Variants in TIMM23 observed in about 807,000 individuals in gnomAD.
TIMM23 encodes mitochondrial import inner membrane translocase subunit Tim23.
In TIMM23, 19 loss-of-function variants were observed where a neutral mutation model predicts 30.7. The observed-to-expected ratio is 0.62, with a 90% CI of 0.43 to 0.91. TIMM23 has a LOEUF of 0.91. TIMM23 is among the 40% of genes least tolerant of loss of function. TIMM23 has a pLI of 0.00. For synonymous variants in TIMM23, 78 were observed against 98.5 expected (o/e 0.79, Z 1.23); for missense variants, 202 against 269.2 (o/e 0.75, Z 1.75).
At chr10:45,985,344 G>A in intron 4 of TIMM23, 39 bp from the exon 5 acceptor site, 1 of 1,611,852 alleles carries the variant, frequency 6.2e-7, no homozygotes, top group Non-Finnish European at 8.5e-7. Flanking sequence ...GAGAAATAAT[G>A]ATTCTAAATA....
chr10:45,973,975 A>G (rs1476998089), intron 1 of TIMM23, among the ~76,000 whole-genome samples: 1 of 152,078 alleles, frequency 6.6e-6, no homozygotes, highest in Non-Finnish European at 1.5e-5. Flanking sequence ...GTTTCATATT[A>G]ATCTTAGTAT....
chr10:45,989,348 T>C (rs1232269920), intron 6 of TIMM23, among the ~76,000 whole-genome samples: 7 of 152,300 alleles, frequency 4.6e-5, no homozygotes, highest in African/African-American at 1.7e-4. Flanking sequence ...ATTCTGTGTA[T>C]GTATACCACA....
chr10:45,994,927 AT>A (rs1428712440), intron 6 of TIMM23, among the ~76,000 whole-genome samples: 1 of 152,032 alleles, frequency 6.6e-6, no homozygotes, highest in African/African-American at 2.4e-5. Context: ...ACCACACAAA[AT>A]TTATGTCTGT....
Position 46,003,384 on chromosome 10 carries a change from T to G in TIMM23, c.*66T>G, listed in dbSNP as rs2132292849. 2 of 1,137,114 alleles carry G rather than the reference T, an allele frequency of 1.8e-6. No homozygotes were observed. The highest frequency in any genetic ancestry group is 2.4e-5 in the East Asian group (1 of 41,026). 70.4% of individuals were successfully genotyped at this position (1,137,114 alleles called of 1,614,324 possible). On this transcript the variant is annotated 3_prime_UTR_variant, in exon 7 of 7. Transcript: ENST00000580018. ...ATCTAGATCCTTTTATAAGACAGTT[T>G]GGAGTTATTCTCTCTCTTCTACCTA...
chr10:45,998,556 C>A (rs1423003692), intron 6 of TIMM23, among the ~76,000 whole-genome samples: 1 of 152,158 alleles, frequency 6.6e-6, no homozygotes, highest in Non-Finnish European at 1.5e-5. Context: ...CTTAAACTTG[C>A]AAACACATCA....
At chr10:45,996,462 G>T (rs1157813585) in intron 6 of TIMM23, among the ~76,000 whole-genome samples, 3 of 150,422 alleles carry the variant, frequency 2.0e-5, no homozygotes, top group East Asian at 1.9e-4. Flanking sequence ...TAAAATTGGG[G>T]TATGATGATT....
chr10:45,978,546 A>G lies in TIMM23; in HGVS notation c.165+3034A>G, dbSNP rs1590111980. Among the ~76,000 whole-genome samples the G allele has an allele frequency of 9.8e-5, 15 of 152,330 alleles. No individual in the cohort carries two copies. In the South Asian group the frequency reaches 3.1e-3, roughly 32 times the overall value. The stretch of plus-strand genomic sequence containing the variant: ...TATACAGATGTCTAATAATGACATG[A>G]AAGCTGGTCAGTAACATTAATTAGA... On this transcript the variant is annotated intron_variant, in intron 2 of 6. Coordinates refer to ENST00000580018, the MANE Select transcript of TIMM23 (RefSeq NM_006327.4).
rs1301609603 is a variant in TIMM23, at chr10:46,003,601, C to T, written c.*283C>T. 1 of 270,226 alleles carries T rather than the reference C, an allele frequency of 3.7e-6. No homozygotes were observed. The highest frequency in any genetic ancestry group is 7.1e-6 in the Non-Finnish European group (1 of 139,974). The allele number at this position is 270,226 out of a possible 1,614,324, so 16.7% of individuals were successfully genotyped here. A position where few individuals can be genotyped will look rare whatever the true frequency, so the allele number is the denominator to read the frequency against. On this transcript the variant is annotated 3_prime_UTR_variant, in exon 7 of 7. Transcript: ENST00000580018. ...TTTTCCTCCCCCATGAACTAGAAAA[C>T]CACTTACTCCCAGAATTCAGGTCGT...
intron 6 of TIMM23, among the ~76,000 whole-genome samples, chr10:45,993,189 C>T (rs1838218024): frequency 6.8e-6 from 1 of 147,712 alleles, no homozygotes; most frequent in Admixed American, 6.9e-5. Flanking sequence ...ATGACTACTG[C>T]CAAATGACCC....
intron 2 of TIMM23, among the ~76,000 whole-genome samples, chr10:45,978,010 C>T (rs1274518928): frequency 6.6e-6 from 1 of 150,816 alleles, no homozygotes; most frequent in Non-Finnish European, 1.5e-5. Context: ...TCAGCCTGGG[C>T]AACAGAGTAA....
At position 45,972,540 on chromosome 10, in the gene TIMM23, T is replaced by G. The variant is rs1837520039; in HGVS notation, c.-85T>G. The G allele has an allele frequency of 1.3e-6, 2 of 1,512,950 alleles. No individual in the cohort carries two copies. Among genetic ancestry groups the G allele is most frequent in the South Asian group, 1.2e-5 (1 of 80,564 alleles). The allele number at this position is 1,512,950 out of a possible 1,614,324, so 93.7% of individuals were successfully genotyped here. A position where few individuals can be genotyped will look rare whatever the true frequency, so the allele number is the denominator to read the frequency against. On this transcript the variant is annotated 5_prime_UTR_variant, in exon 1 of 7. Transcript: ENST00000580018. ...GAAGTAGGCGCTGGCAACGCGGGGT[T>G]ACCCGCTGTTATTGAGGAGTAACGG...
intron 6 of TIMM23, among the ~76,000 whole-genome samples, chr10:45,990,482 C>T (rs1405998753): frequency 2.0e-5 from 3 of 151,248 alleles, no homozygotes; most frequent in South Asian, 4.2e-4. Context: ...AGTGCAGTGG[C>T]ACAATCAAGG....
chr10:45,973,624 A>G (rs1322279524), intron 1 of TIMM23, among the ~76,000 whole-genome samples: 2 of 152,134 alleles, frequency 1.3e-5, no homozygotes, highest in African/African-American at 4.8e-5. Context: ...TCTACAACAC[A>G]TGGTGTTTTG....
Position 45,985,575 on chromosome 10 carries a change from A to G in TIMM23, c.403+134A>G, listed in dbSNP as rs1439382172. The G allele has an allele frequency of 5.7e-5, 62 of 1,095,152 alleles. No individual in the cohort carries two copies. In the Admixed American group the frequency reaches 1.1e-3, roughly 19 times the overall value. The allele number at this position is 1,095,152 out of a possible 1,614,324, so 67.8% of individuals were successfully genotyped here. Reference sequence around the variant, plus strand: ...TTAAACCCATTCCAATGCATAATGTAGATACTACTTAGGGAAAGACCATGA... The same window carrying G: ...TTAAACCCATTCCAATGCATAATGTGGATACTACTTAGGGAAAGACCATGA... On this transcript the variant is annotated intron_variant, in intron 5 of 6. Transcript: ENST00000580018.
At chr10:46,002,643 C>T (rs565279221) in intron 6 of TIMM23, among the ~76,000 whole-genome samples, 1 of 151,618 alleles carries the variant, frequency 6.6e-6, no homozygotes, top group Non-Finnish European at 1.5e-5. Context: ...GTTGGAACTC[C>T]GTAATAAACT....
intron 6 of TIMM23, among the ~76,000 whole-genome samples, chr10:45,997,261 T>C (rs1327814903): frequency 5.9e-5 from 9 of 152,012 alleles, no homozygotes; most frequent in African/African-American, 1.9e-4. Flanking sequence ...TATTCTGCCT[T>C]TAAAAAGGAA....
intron 1 of TIMM23, among the ~76,000 whole-genome samples, chr10:45,973,416 A>G (rs1837560620): frequency 6.6e-6 from 1 of 152,192 alleles, no homozygotes; most frequent in Admixed American, 6.5e-5. Context: ...CTAGATAAAT[A>G]CAACTTGGAC....
chr10:45,995,036 A>T (rs1272674990), intron 6 of TIMM23, among the ~76,000 whole-genome samples: 1 of 151,882 alleles, frequency 6.6e-6, no homozygotes, highest in Non-Finnish European at 1.5e-5. Context: ...TAAGACAGGA[A>T]GTGTGAGTCC....
At chr10:45,986,329 G>T (rs1254098233) in intron 5 of TIMM23, among the ~76,000 whole-genome samples, 2 of 151,952 alleles carry the variant, frequency 1.3e-5, no homozygotes, top group African/African-American at 4.8e-5. Flanking sequence ...TCTTTTAATT[G>T]CTTGTATACC....
Sources: gnomAD v4.1 joint callset for allele counts (sites outside exome capture counted in the v4.1 genomes callset) on GRCh38, gnomAD v4.1.1 for gene constraint, MANE v1.5 for transcripts, NCBI Gene and HGNC (gene_info 2026-07-23, HGNC 2026-07-21) for gene names.